The following PAPSS1 variants were observed in gnomAD, a reference collection of about 807,000 sequenced individuals.
PAPSS1 encodes 3'-phosphoadenosine 5'-phosphosulfate synthase 1.
A neutral mutation model predicts 72.0 loss-of-function variants in PAPSS1; 50 were observed. The observed-to-expected ratio is 0.69, with a 90% CI of 0.55 to 0.88. The LOEUF (loss-of-function observed/expected upper bound fraction) is 0.88, where lower values mean the gene tolerates loss of function less well. PAPSS1 is among the 40% of genes least tolerant of loss of function. PAPSS1 has a pLI of 0.00. For synonymous variants in PAPSS1, 261 were observed against 263.6 expected, an observed-to-expected ratio of 0.99 and a Z score of 0.09; for missense variants, 657 against 782.2, an observed-to-expected ratio of 0.84 and a Z score of 1.91.
chr4:107,636,221 A>G (rs990823963), intron 10 of PAPSS1, among the ~76,000 whole-genome samples: 74 of 152,334 alleles, frequency 4.9e-4, no homozygotes, highest in African/African-American at 1.7e-3. Context: ...ACTAACTCAA[A>G]GATCCTTCAA....
chr4:107,637,298 ACTGT>A (rs1282704605), intron 10 of PAPSS1, among the ~76,000 whole-genome samples: 4 of 152,220 alleles, frequency 2.6e-5, no homozygotes, highest in Non-Finnish European at 5.9e-5. Context: ...ATTTGAAAAT[ACTGT>A]CTATCACTTA....
At chr4:107,719,599 T>G (rs2125946491) in intron 1 of PAPSS1, among the ~76,000 whole-genome samples, 1 of 152,280 alleles carries the variant, frequency 6.6e-6, no homozygotes, top group South Asian at 2.1e-4. Context: ...TTGGGTACTC[T>G]CCTTTCACAC....
chr4:107,719,944 C>A, intron 1 of PAPSS1, 176 bp downstream of exon 1: 1 of 1,385,814 alleles, frequency 7.2e-7, no homozygotes, highest in Admixed American at 3.6e-5. Context: ...TGCGCCGCGC[C>A]CCTCTGCCTC....
intron 1 of PAPSS1, chr4:107,718,508 T>G (rs1723693109): frequency 6.6e-6 from 1 of 152,160 alleles, no homozygotes; most frequent in South Asian, 2.1e-4. Flanking sequence ...CAGGCGAAAC[T>G]AATCTCTCCT....
intron 1 of PAPSS1, 82 bp downstream of exon 1, chr4:107,720,038 C>T: frequency 6.4e-7 from 1 of 1,567,996 alleles, no homozygotes; most frequent in Non-Finnish European, 8.6e-7. Context: ...GCGGAGGAGG[C>T]GGGAGAGAGG....
At chr4:107,655,814 T>G (rs1220978463) in intron 7 of PAPSS1, among the ~76,000 whole-genome samples, 1 of 152,138 alleles carries the variant, frequency 6.6e-6, no homozygotes, top group Non-Finnish European at 1.5e-5. Context: ...GTAAAGGAGG[T>G]AGTCCACAAG....
chr4:107,648,511 C>T (rs1166143257), intron 9 of PAPSS1, among the ~76,000 whole-genome samples: 2 of 152,248 alleles, frequency 1.3e-5, no homozygotes, highest in African/African-American at 2.4e-5. Context: ...TCCCAGCCCA[C>T]AGCCAGAGCC....
At chr4:107,678,424 C>T (rs1019240232) in intron 5 of PAPSS1, among the ~76,000 whole-genome samples, 2 of 151,832 alleles carry the variant, frequency 1.3e-5, no homozygotes, top group South Asian at 2.1e-4. Flanking sequence ...AGCCAATCTA[C>T]AATCATAAAC....
intron 9 of PAPSS1, among the ~76,000 whole-genome samples, chr4:107,648,302 G>C (rs1174766568): frequency 6.6e-6 from 1 of 152,222 alleles, no homozygotes; most frequent in African/African-American, 2.4e-5. Context: ...ACAAGCCACA[G>C]GCCGCTTCAT....
intron 9 of PAPSS1, among the ~76,000 whole-genome samples, chr4:107,646,175 T>C (rs1373489178): frequency 6.6e-6 from 1 of 152,054 alleles, no homozygotes; most frequent in Non-Finnish European, 1.5e-5. Flanking sequence ...TGCTTTGGGA[T>C]GGGAGGAGGG....
chr4:107,697,485 T>C (rs964907783), intron 2 of PAPSS1, among the ~76,000 whole-genome samples: 1 of 152,188 alleles, frequency 6.6e-6, no homozygotes, highest in Non-Finnish European at 1.5e-5. Flanking sequence ...AAAAAAAAGT[T>C]TGAAACTCTA....
chr4:107,690,807 C>T (rs1411814285), intron 3 of PAPSS1, among the ~76,000 whole-genome samples: 1 of 152,120 alleles, frequency 6.6e-6, no homozygotes, highest in East Asian at 1.9e-4. Context: ...CCACACTATA[C>T]AAACAAGGGG....
At chr4:107,649,065 T>G (rs989951354) in intron 9 of PAPSS1, among the ~76,000 whole-genome samples, 1 of 152,232 alleles carries the variant, frequency 6.6e-6, no homozygotes, top group African/African-American at 2.4e-5. Context: ...CAAAGCTTTG[T>G]GCCAACTGGG....
chr4:107,706,638 G>T (rs920029021), intron 1 of PAPSS1, among the ~76,000 whole-genome samples: 2 of 152,094 alleles, frequency 1.3e-5, no homozygotes, highest in Non-Finnish European at 2.9e-5. Flanking sequence ...GCTACTGGAA[G>T]GTTATTTTGA....
intron 10 of PAPSS1, among the ~76,000 whole-genome samples, chr4:107,632,068 C>A (rs1419543841): frequency 6.6e-6 from 1 of 151,712 alleles, no homozygotes; most frequent in East Asian, 1.9e-4. Flanking sequence ...AGCATATATC[C>A]ACAAATATTT....
At chr4:107,624,811 T>C (rs1283476658) in intron 11 of PAPSS1, among the ~76,000 whole-genome samples, 3 of 152,158 alleles carry the variant, frequency 2.0e-5, no homozygotes, top group Non-Finnish European at 2.9e-5. Flanking sequence ...TCTACATGTA[T>C]TCAGACGAAA....
At chr4:107,634,406 CACAGATA>C (rs1295346262) in intron 10 of PAPSS1, among the ~76,000 whole-genome samples, 2 of 152,114 alleles carry the variant, frequency 1.3e-5, no homozygotes, top group Non-Finnish European at 2.9e-5. Flanking sequence ...CATCACGTAC[CACAGATA>C]ATGATTAATC....
intron 6 of PAPSS1, among the ~76,000 whole-genome samples, chr4:107,659,643 T>C (rs1425996957): frequency 1.3e-5 from 2 of 152,206 alleles, no homozygotes; most frequent in Non-Finnish European, 2.9e-5. Context: ...TTAATTACTA[T>C]GGATTAGTAT....
Position 107,687,039 on chromosome 4 carries a change from C to T in PAPSS1, c.550G>A (p.Gly184Ser). 6.3e-7 allele frequency: 1 copy of T among 1,596,852 alleles called. No homozygotes were observed. The highest frequency in any genetic ancestry group is 1.1e-5 in the South Asian group (1 of 87,206). The change falls in exon 4 of 12, where the codon GGT becomes AGT. Residue 184 changes from glycine to serine, a missense_variant and splice_region_variant. Transcript: ENST00000265174. ...AAACTGGGAAGAAAATATTACTGAC[C>T]TTTAATTTCTCCTGCCCGGGCTTTT... ...YKKARAGEIK[G>S]FTGIDSEYEK...
Sources: gnomAD v4.1 joint callset for allele counts (sites outside exome capture counted in the v4.1 genomes callset) on GRCh38, gnomAD v4.1.1 for gene constraint, MANE v1.5 for transcripts, NCBI Gene and HGNC (gene_info 2026-07-23, HGNC 2026-07-21) for gene names.